HSDL1: variants seen among roughly 807,000 people sequenced by gnomAD.
HSDL1 encodes the protein hydroxysteroid dehydrogenase like 1, also known as inactive hydroxysteroid dehydrogenase-like protein 1.
In HSDL1, 29 loss-of-function variants were observed where a neutral mutation model predicts 31.5. That is an observed-to-expected ratio of 0.92 (90% CI 0.69 to 1.26). The LOEUF is 1.26. Ranked by LOEUF, HSDL1 falls within the 50% of genes most tolerant of loss-of-function variation. The probability of loss-of-function intolerance (pLI) is 0.00; values close to 1 mark genes in which losing one functional copy is unlikely to be tolerated. For missense variants in HSDL1, 503 were observed against 416.6 expected (o/e 1.21, Z -1.81); for synonymous variants, 222 against 155.2 (o/e 1.43, Z -3.20).
rs1460196740 is a variant in HSDL1 at position 84,130,226 on chromosome 16, G to A, written c.426C>T (p.Asp142=). ...IYLPIREALK[D]KDVGILVNNV... The stretch of plus-strand genomic sequence containing the variant: ...TATTTACCAAGATGCCAACGTCTTT[G>A]TCCTTCAGGGCTTCTCGAATTGGAA... The change falls in exon 4 of 6, where the codon GAC becomes GAT. Residue 142 remains aspartate (D), a synonymous_variant. Coordinates refer to ENST00000219439, the MANE Select transcript of HSDL1 (RefSeq NM_031463.5). The A allele has an allele frequency of 1.2e-6, 2 of 1,614,188 alleles. No homozygotes were observed. The highest frequency in any genetic ancestry group is 1.7e-6 in the Non-Finnish European group (2 of 1,180,040).
rs2086582224 is a variant in HSDL1, at chr16:84,124,422, C to G, written c.*208G>C. The G allele has an allele frequency of 2.1e-6, 1 of 465,330 alleles. No homozygotes were observed. Among genetic ancestry groups the G allele is most frequent in the South Asian group, 2.7e-5 (1 of 37,230 alleles). 28.8% of individuals were successfully genotyped at this position (465,330 alleles called of 1,614,324 possible). Reference sequence around the variant, plus strand: ...AAATGTAGATGTCGTCAATCAGCCTCAGGCATTATTGATCCTGTGCCATCC... The same window carrying G: ...AAATGTAGATGTCGTCAATCAGCCTGAGGCATTATTGATCCTGTGCCATCC... On this transcript the variant is annotated 3_prime_UTR_variant, in exon 6 of 6. Transcript: ENST00000219439.
At chr16:84,141,183 C>A (rs891415259) in intron 1 of HSDL1, among the ~76,000 whole-genome samples, 1 of 152,076 alleles carries the variant, frequency 6.6e-6, no homozygotes, top group African/African-American at 2.4e-5. Context: ...TGACTTGTTT[C>A]TTTCACTCAA....
chr16:84,129,910 A>C, intron 4 of HSDL1, 76 bp downstream of exon 4: 2 of 1,506,820 alleles, frequency 1.3e-6, no homozygotes, highest in East Asian at 4.5e-5. Context: ...CAAAGAGTTC[A>C]ACAAATCAGA....
intron 2 of HSDL1, among the ~76,000 whole-genome samples, chr16:84,131,681 ATTT>A (rs5818484): frequency 4.7e-5 from 6 of 127,996 alleles, no homozygotes; most frequent in Non-Finnish European, 6.7e-5. Flanking sequence ...CGCCCGGCTA[ATTT>A]TTTTTTTTTT....
Position 84,131,230 on chromosome 16 carries a change from C to T in HSDL1, c.92G>A (p.Trp31Ter). ...YMEALALVGA[W>*]YTARKSITVI... Reference sequence around the variant, plus strand: ...AGTGATGCTTTTTCTGGCCGTATACCAGGCTCCAACCAAAGCTAGAGCTTC... The same window carrying T: ...AGTGATGCTTTTTCTGGCCGTATACTAGGCTCCAACCAAAGCTAGAGCTTC... The change falls in exon 3 of 6, where the codon TGG becomes TAG. Residue 31 changes from tryptophan to a stop codon, truncating the protein, a stop_gained. Transcript: ENST00000219439. LOFTEE classifies it high-confidence loss of function. The T allele has an allele frequency of 1.9e-6, 3 of 1,614,110 alleles. No individual in the cohort carries two copies. The highest frequency in any genetic ancestry group is 2.5e-6 in the Non-Finnish European group (3 of 1,179,990).
At chr16:84,128,228 G>A (rs968642472) in intron 5 of HSDL1, among the ~76,000 whole-genome samples, 1 of 151,564 alleles carries the variant, frequency 6.6e-6, no homozygotes, top group Non-Finnish European at 1.5e-5. Flanking sequence ...GGTGGAGGTT[G>A]CAGTGAGCCA....
chr16:84,141,315 T>A (rs146112678), intron 1 of HSDL1, among the ~76,000 whole-genome samples: 2 of 151,500 alleles, frequency 1.3e-5, no homozygotes, highest in Non-Finnish European at 2.9e-5. Flanking sequence ...CTGGTTCAGA[T>A]ACACCACGAT....
chr16:84,142,217 T>C (rs1450942604), intron 1 of HSDL1, among the ~76,000 whole-genome samples: 1 of 152,138 alleles, frequency 6.6e-6, no homozygotes, highest in Non-Finnish European at 1.5e-5. Context: ...TGGGAGCCAC[T>C]GCACCTGGCT....
rs1300820532 is a variant in HSDL1, at chr16:84,124,481, GGTATTAT to G, written c.*142_*148del. 6.7e-6 allele frequency: 4 copies of G among 596,236 alleles called. No homozygotes were observed. The highest frequency in any genetic ancestry group is 1.2e-5 in the Non-Finnish European group (4 of 320,744). 36.9% of individuals were successfully genotyped at this position (596,236 alleles called of 1,614,324 possible). On this transcript the variant is annotated 3_prime_UTR_variant, in exon 6 of 6. Transcript: ENST00000219439. ...TTAAGGTTTTTCACAGCACTCTGAC[GGTATTAT>G]GTGTGTTTTGCAAATGACGAATCAA... is the stretch of plus-strand genomic sequence containing the variant.
Position 84,129,553 on chromosome 16 carries a change from T to G in HSDL1, c.889A>C (p.Ile297Leu). Reference protein sequence around the residue: ...KRTTGYWSHSIQFLFAQYMPE... With the variant: ...KRTTGYWSHSLQFLFAQYMPE... ...GACCTGAAGCACACTCCTACCTGAA[T>G]AGAATGGGACCAATATCCTGTGGTC... The change falls in exon 5 of 6, where the codon ATT (isoleucine) becomes CTT (leucine). Residue 297 changes from isoleucine to leucine, a missense_variant. By Grantham distance (5) the Ile-to-Leu change is conservative (BLOSUM62 2). Transcript: ENST00000219439. 3 of 1,610,306 alleles carry G rather than the reference T, an allele frequency of 1.9e-6. No homozygotes were observed. The highest frequency in any genetic ancestry group is 1.3e-5 in the African/African-American group (1 of 74,938).
Sources: gnomAD v4.1 joint callset for allele counts (sites outside exome capture counted in the v4.1 genomes callset) on GRCh38, gnomAD v4.1.1 for gene constraint, MANE v1.5 for transcripts, NCBI Gene and HGNC (gene_info 2026-07-23, HGNC 2026-07-21) for gene names.